SCOC: variants seen among roughly 807,000 people sequenced by gnomAD.
SCOC encodes short coiled coil protein.
SCOC carries 7 observed loss-of-function variants against 9.9 expected under a neutral mutation model. The observed-to-expected ratio is 0.71, with a 90% CI of 0.40 to 1.33. The LOEUF (loss-of-function observed/expected upper bound fraction) is 1.33, where lower values mean the gene tolerates loss of function less well. Among genes scored for constraint, SCOC ranks in the 40% most tolerant of loss-of-function variants. The pLI is 0.01. For synonymous variants in SCOC, 19 were observed against 28.2 expected (o/e 0.67, Z 1.03); for missense variants, 66 against 89.7 (o/e 0.74, Z 1.07).
At chr4:140,316,288 G>C (rs1048142330) in intron 1 of SCOC, among the ~76,000 whole-genome samples, 2 of 152,092 alleles carry the variant, frequency 1.3e-5, no homozygotes, top group South Asian at 2.1e-4. Context: ...GGTCAGATCG[G>C]GGACAGTTTC....
At chr4:140,298,218 G>C (rs1401776759) in intron 1 of SCOC, among the ~76,000 whole-genome samples, 1 of 152,186 alleles carries the variant, frequency 6.6e-6, no homozygotes, top group Non-Finnish European at 1.5e-5. Flanking sequence ...CCTGGTTCCT[G>C]ACCATGGGCT....
intron 1 of SCOC, among the ~76,000 whole-genome samples, chr4:140,327,002 A>C (rs968437807): frequency 6.6e-6 from 1 of 152,182 alleles, no homozygotes; most frequent in Non-Finnish European, 1.5e-5. Flanking sequence ...CATCATTTTC[A>C]CAGCAAACCT....
chr4:140,266,305 A>G (rs1730727654), intron 1 of SCOC, among the ~76,000 whole-genome samples: 1 of 152,178 alleles, frequency 6.6e-6, no homozygotes, highest in Non-Finnish European at 1.5e-5. Flanking sequence ...CAAAAATATC[A>G]TAGACTTGGT....
intron 2 of SCOC, among the ~76,000 whole-genome samples, chr4:140,349,474 T>C (rs1726884636): frequency 6.6e-6 from 1 of 152,198 alleles, no homozygotes; most frequent in South Asian, 2.1e-4. Flanking sequence ...ACTTCTGTTC[T>C]CAAATCTTGT....
intron 2 of SCOC, among the ~76,000 whole-genome samples, chr4:140,362,273 C>CTGTTCTTCTTTCTTCTTCTTCTT: frequency 3.4e-5 from 1 of 29,076 alleles, no homozygotes; most frequent in Non-Finnish European, 7.6e-5. Flanking sequence ...ACAGGTGTGT[C>CTGTTCTTCTTTCTTCTTCTTCTT]CTTACTTCTT....
At chr4:140,263,534 G>A (rs781509159) in intron 1 of SCOC, among the ~76,000 whole-genome samples, 14 of 152,124 alleles carry the variant, frequency 9.2e-5, no homozygotes, top group African/African-American at 3.1e-4. Context: ...AGATGACACC[G>A]GGAGTGAAAG....
intron 2 of SCOC, chr4:140,360,743 AG>A (rs1378805574): frequency 1.3e-5 from 2 of 152,212 alleles, no homozygotes; most frequent in Non-Finnish European, 2.9e-5. Context: ...TGTGCTTGGC[AG>A]GGGCTATATC....
intron 1 of SCOC, chr4:140,291,531 T>C (rs1195727594): frequency 2.2e-6 from 1 of 457,308 alleles, no homozygotes; most frequent in Admixed American, 2.3e-5. Context: ...CTCCTGGGAC[T>C]GTATTATGGC....
upstream of SCOC, among the ~76,000 whole-genome samples, chr4:140,370,838 C>G (rs574935436): frequency 3.1e-4 from 47 of 151,804 alleles, no homozygotes; most frequent in South Asian, 7.3e-3. Context: ...GGCCTACTTA[C>G]GTTATTTGCA....
rs561179181 is a variant in SCOC at position 140,274,318 on chromosome 4, G to A, written c.-19+16908G>A. 2.0e-5 allele frequency among the ~76,000 whole-genome samples: 3 copies of A among 152,252 alleles called. No individual in the cohort carries two copies. The South Asian group carries it at 6.2e-4, about 32-fold the overall frequency. ...TATGGAAGACTTTCGCTTTACTTTT[G>A]TTTGTTTTAGTTCAATCTAGGCATA... On this transcript the variant is annotated intron_variant, in intron 1 of 4. Transcript: ENST00000394205.
intron 1 of SCOC, among the ~76,000 whole-genome samples, chr4:140,330,163 T>C (rs938779779): frequency 2.0e-5 from 3 of 152,156 alleles, no homozygotes; most frequent in Admixed American, 6.5e-5. Flanking sequence ...CTGTATGGAA[T>C]TGGAGAATAT....
chr4:140,324,401 GA>G (rs1256521153), intron 1 of SCOC, among the ~76,000 whole-genome samples: 6 of 152,028 alleles, frequency 3.9e-5, no homozygotes, highest in Non-Finnish European at 7.4e-5. Context: ...GCTTTGAAAG[GA>G]AAAAGATAAG....
chr4:140,289,545 G>T (rs954742471), intron 1 of SCOC, among the ~76,000 whole-genome samples: 1 of 152,168 alleles, frequency 6.6e-6, no homozygotes, highest in Non-Finnish European at 1.5e-5. Flanking sequence ...GCTGGCTGAG[G>T]CTCTGTGGGC....
intron 1 of SCOC, among the ~76,000 whole-genome samples, chr4:140,330,841 G>A (rs186618985): frequency 6.6e-6 from 1 of 152,308 alleles, no homozygotes; most frequent in East Asian, 1.9e-4. Flanking sequence ...GTTGAGTGCT[G>A]GCAGTTCTCT....
At chr4:140,377,030 T>C (rs1441815511) in intron 1 of SCOC, among the ~76,000 whole-genome samples, 1 of 152,236 alleles carries the variant, frequency 6.6e-6, no homozygotes, top group Admixed American at 6.5e-5. Context: ...TAATTTATTA[T>C]TTAGCAAAGA....
chr4:140,366,657 G>A (rs1578868488), intron 2 of SCOC: 1 of 1,601,258 alleles, frequency 6.2e-7, no homozygotes, highest in Non-Finnish European at 8.6e-7. Context: ...ACTTCTGGTG[G>A]GCTCTGTGTG....
At chr4:140,341,682 A>G (rs1039988), upstream of SCOC, among the ~76,000 whole-genome samples, 123,430 of 152,108 alleles carry the variant, frequency 0.81, 50,202 homozygotes, top group African/African-American at 0.83. Context: ...CTGAGCCTGT[A>G]CCCTGTAGAC....
rs1182715179 is a variant in SCOC at position 140,324,154 on chromosome 4, T to TC, written c.-18-19465dup. Among the ~76,000 whole-genome samples, 5 of 152,268 alleles carry TC rather than the reference T, an allele frequency of 3.3e-5. No individual in the cohort carries two copies. In the East Asian group the frequency reaches 9.7e-4, roughly 29 times the overall value. ...AAAACAAAATCAATGAAATTCAACA[T>TC]CCATTCATGACAAAAGTCTCAGAAA... is the stretch of plus-strand genomic sequence containing the variant. On this transcript the variant is annotated intron_variant, in intron 1 of 4. Transcript: ENST00000394205.
intron 2 of SCOC, 47 bp downstream of exon 2, chr4:140,379,239 CT>C (rs1170964680): frequency 7.8e-7 from 1 of 1,286,170 alleles, no homozygotes; most frequent in Non-Finnish European, 1.1e-6. Flanking sequence ...TTTGTGGATG[CT>C]TTTGCTTTAT....
Sources: allele counts gnomAD v4.1 joint callset (sites outside exome capture counted in the v4.1 genomes callset), GRCh38; gene constraint gnomAD v4.1.1; transcripts MANE v1.5; gene names NCBI Gene and HGNC (gene_info 2026-07-23, HGNC 2026-07-21).